Variants in BMERB1 observed in about 807,000 individuals in gnomAD.
The protein encoded by BMERB1 is bMERB domain-containing protein 1.
In BMERB1, 12 loss-of-function variants were observed where a neutral mutation model predicts 23.6. The ratio of observed to expected loss-of-function variants is 0.51; its 90% confidence interval spans 0.33 to 0.82. The LOEUF (loss-of-function observed/expected upper bound fraction) is 0.82. Ranked by LOEUF, BMERB1 falls within the 40% of genes least tolerant of loss-of-function variation. The pLI, the probability that BMERB1 is intolerant of heterozygous loss-of-function variation, is 0.03. For synonymous variants in BMERB1, 122 were observed against 96.6 expected, an observed-to-expected ratio of 1.26 and a Z score of -1.54; for missense variants, 247 against 255.4, an observed-to-expected ratio of 0.97 and a Z score of 0.22.
chr16:15,504,720 C>A (rs1420022201), intron 1 of BMERB1, among the ~76,000 whole-genome samples: 2 of 151,522 alleles, frequency 1.3e-5, no homozygotes, highest in African/African-American at 4.9e-5. Flanking sequence ...TCCAAAGCTC[C>A]GGGATTACAG....
intron 2 of BMERB1, among the ~76,000 whole-genome samples, chr16:15,561,924 C>A (rs1289013263): frequency 1.3e-5 from 2 of 152,108 alleles, no homozygotes; most frequent in African/African-American, 4.8e-5. Context: ...ATAGCATTTA[C>A]TGGGCATTTG....
rs149857834 is a variant in BMERB1, at chr16:15,503,717, T to C, written c.107-11588T>C. ...CAGCAACTTCATGAGGCAGGAGTTA[T>C]TAGTCCCATTTTACAGAAGAGGAAA... On this transcript the variant is annotated intron_variant, in intron 1 of 5. Coordinates refer to ENST00000300006, the MANE Select transcript of BMERB1 (RefSeq NM_033201.3). Among the ~76,000 whole-genome samples, 550 of 152,306 alleles carry C rather than the reference T, an allele frequency of 3.6e-3. 7 individuals carry two copies. The highest frequency in any genetic ancestry group is 0.012 in the African/African-American group (499 of 41,568).
intron 3 of BMERB1, among the ~76,000 whole-genome samples, chr16:15,577,748 G>A (rs1279989003): frequency 6.6e-6 from 1 of 152,266 alleles, no homozygotes; most frequent in Non-Finnish European, 1.5e-5. Flanking sequence ...GCCAGCGCTT[G>A]GGAGAGGCTG....
chr16:15,493,224 T>A (rs888529560), intron 1 of BMERB1, among the ~76,000 whole-genome samples: 5 of 150,008 alleles, frequency 3.3e-5, no homozygotes, highest in East Asian at 2.1e-4. Context: ...TGGTGGTGCA[T>A]GCCTGTACTG....
At chr16:15,511,201 A>G (rs2051660137) in intron 1 of BMERB1, among the ~76,000 whole-genome samples, 1 of 151,952 alleles carries the variant, frequency 6.6e-6, no homozygotes, top group Non-Finnish European at 1.5e-5. Context: ...ATTTCCTACA[A>G]ATCCTCTGCA....
At chr16:15,475,759 G>T (rs923039308) in intron 1 of BMERB1, among the ~76,000 whole-genome samples, 1 of 152,150 alleles carries the variant, frequency 6.6e-6, no homozygotes, top group African/African-American at 2.4e-5. Flanking sequence ...CCCCAGCAGG[G>T]GAATCAGACT....
intron 2 of BMERB1, among the ~76,000 whole-genome samples, chr16:15,519,683 C>G (rs1047817457): frequency 2.0e-5 from 3 of 152,174 alleles, no homozygotes; most frequent in Non-Finnish European, 2.9e-5. Flanking sequence ...TGCACCCAGC[C>G]TGCATTGACT....
chr16:15,470,296 T>C (rs1003166414), intron 1 of BMERB1, among the ~76,000 whole-genome samples: 28 of 152,222 alleles, frequency 1.8e-4, no homozygotes, highest in African/African-American at 6.8e-4. Context: ...ATTTTCAAAC[T>C]AGCTTTGCAT....
rs181560410 is a variant in BMERB1, at chr16:15,568,171, C to G, written c.304+115C>G. On this transcript the variant is annotated intron_variant, in intron 3 of 5. Coordinates refer to ENST00000300006, the MANE Select transcript of BMERB1 (RefSeq NM_033201.3). ...CCTCATTCTTGCAATGCAGTGCTCC[C>G]TGACTGCATGTGTCAAACACAACTT... The G allele has an allele frequency of 7.3e-4, 571 of 786,276 alleles. 2 individuals carry two copies. In the African/African-American group the frequency reaches 8.4e-3, roughly 12 times the overall value. The allele number at this position is 786,276 out of a possible 1,614,324, so 48.7% of individuals were successfully genotyped here.
intron 1 of BMERB1, among the ~76,000 whole-genome samples, chr16:15,479,129 G>A (rs2051297918): frequency 6.6e-6 from 1 of 152,186 alleles, no homozygotes; most frequent in Non-Finnish European, 1.5e-5. Flanking sequence ...AACTGACAGT[G>A]TTTGTTGCTG....
chr16:15,570,842 C>T (rs1478101460), intron 3 of BMERB1, among the ~76,000 whole-genome samples: 3 of 151,862 alleles, frequency 2.0e-5, no homozygotes, highest in Non-Finnish European at 4.4e-5. Flanking sequence ...CTTTTTAGAC[C>T]ATGTAGGGTA....
In BMERB1 at chr16:15,486,050, T is replaced by C. The variant is rs1048678567; in HGVS notation, c.107-29255T>C. Among the ~76,000 whole-genome samples the C allele has an allele frequency of 3.9e-5, 6 of 152,052 alleles. 1 individual carries two copies. Among genetic ancestry groups the C allele is most frequent in the Admixed American group, 3.3e-4 (5 of 15,244 alleles). On this transcript the variant is annotated intron_variant, in intron 1 of 5. Coordinates refer to ENST00000300006, the MANE Select transcript of BMERB1 (RefSeq NM_033201.3). ...TGAGGTCAGGAGTTCAAGACCAGGC[T>C]GGCCAACATGGTGAAACCTTGTCTC... is the stretch of plus-strand genomic sequence containing the variant.
intron 1 of BMERB1, among the ~76,000 whole-genome samples, chr16:15,446,703 T>C (rs1383018144): frequency 6.6e-6 from 1 of 152,210 alleles, no homozygotes; most frequent in East Asian, 1.9e-4. Flanking sequence ...GCCATTGATA[T>C]AGATGCTTAA....
At chr16:15,576,617 T>C (rs73501205) in intron 3 of BMERB1, among the ~76,000 whole-genome samples, 57 of 152,236 alleles carry the variant, frequency 3.7e-4, no homozygotes, top group African/African-American at 1.4e-3. Flanking sequence ...CAGAAATGTA[T>C]TCTCTCTCGG....
intron 1 of BMERB1, among the ~76,000 whole-genome samples, chr16:15,479,743 G>A (rs2150934750): frequency 6.6e-6 from 1 of 151,960 alleles, no homozygotes; most frequent in Admixed American, 6.6e-5. Flanking sequence ...TAAATAACAT[G>A]TTACCTATGT....
At chr16:15,584,805 G>GCAATACC (rs2031101963) in intron 5 of BMERB1, among the ~76,000 whole-genome samples, 1 of 152,258 alleles carries the variant, frequency 6.6e-6, no homozygotes, top group East Asian at 1.9e-4. Context: ...CAACTCTGAA[G>GCAATACC]CAATACCACA....
At chr16:15,444,324 G>A (rs570614589) in intron 1 of BMERB1, among the ~76,000 whole-genome samples, 1 of 151,446 alleles carries the variant, frequency 6.6e-6, no homozygotes, top group African/African-American at 2.4e-5. Flanking sequence ...CACTTGTTGT[G>A]GGCGTCTCCT....
intron 2 of BMERB1, among the ~76,000 whole-genome samples, chr16:15,518,647 TGA>T (rs1187856674): frequency 6.6e-6 from 1 of 152,146 alleles, no homozygotes; most frequent in Non-Finnish European, 1.5e-5. Flanking sequence ...GCTTATCCTG[TGA>T]GTGTGTCCTG....
intron 1 of BMERB1, among the ~76,000 whole-genome samples, chr16:15,455,761 C>T (rs2051082187): frequency 6.6e-6 from 1 of 152,144 alleles, no homozygotes; most frequent in South Asian, 2.1e-4. Flanking sequence ...CGCGCCTGGC[C>T]ATGTTAACTA....
Sources: allele counts gnomAD v4.1 joint callset (sites outside exome capture counted in the v4.1 genomes callset), GRCh38; gene constraint gnomAD v4.1.1; transcripts MANE v1.5; gene names NCBI Gene and HGNC (gene_info 2026-07-23, HGNC 2026-07-21).